VPS54: variants seen among roughly 807,000 people sequenced by gnomAD.
VPS54 encodes vacuolar protein sorting-associated protein 54.
VPS54 carries 45 observed loss-of-function variants against 121.5 expected under a neutral mutation model. That is an observed-to-expected ratio of 0.37 (90% CI 0.29 to 0.47). The LOEUF (loss-of-function observed/expected upper bound fraction) is 0.47, where lower values mean the gene tolerates loss of function less well. VPS54 is among the 20% of genes least tolerant of loss of function. The pLI, the probability that VPS54 is intolerant of heterozygous loss-of-function variation, is 0.99. For synonymous variants in VPS54, 371 were observed against 385.8 expected, an observed-to-expected ratio of 0.96 and a Z score of 0.45; for missense variants, 1,090 against 1,131.4, an observed-to-expected ratio of 0.96 and a Z score of 0.52.
chr2:63,968,237 T>G (rs755972424), intron 5 of VPS54, among the ~76,000 whole-genome samples: 1 of 151,996 alleles, frequency 6.6e-6, no homozygotes, highest in Non-Finnish European at 1.5e-5. Context: ...TCATACAAAG[T>G]AAGTATCTCT....
At chr2:63,902,365 T>C (rs955986295) in intron 20 of VPS54, among the ~76,000 whole-genome samples, 3 of 151,662 alleles carry the variant, frequency 2.0e-5, no homozygotes, top group Admixed American at 6.6e-5. Flanking sequence ...ACTGAAGGAG[T>C]TGGAAGCCTC....
intron 3 of VPS54, among the ~76,000 whole-genome samples, chr2:63,980,222 A>C (rs1676745125): frequency 6.6e-6 from 1 of 152,120 alleles, no homozygotes; most frequent in South Asian, 2.1e-4. Context: ...TATACATACT[A>C]ATAGTTTTTG....
chr2:63,981,978 T>A (rs1676821072), intron 2 of VPS54, 91 bp from the exon 3 acceptor site: 4 of 1,386,394 alleles, frequency 2.9e-6, no homozygotes, highest in Non-Finnish European at 3.8e-6. Context: ...ATGCACAGAT[T>A]CCATCTTACG....
chr2:63,987,324 T>TC (rs1677098716), intron 1 of VPS54, among the ~76,000 whole-genome samples: 1 of 152,308 alleles, frequency 6.6e-6, no homozygotes, highest in African/African-American at 2.4e-5. Context: ...ACTGTCCTTT[T>TC]CCCCAAGATT....
intron 12 of VPS54, among the ~76,000 whole-genome samples, chr2:63,928,723 TAA>T (rs1674038149): frequency 1.3e-5 from 2 of 148,648 alleles, no homozygotes; most frequent in African/African-American, 5.0e-5. Flanking sequence ...GCAAACTGGA[TAA>T]AGAGTCAAGA....
At chr2:63,985,232 T>C (rs1436622622) in intron 1 of VPS54, among the ~76,000 whole-genome samples, 3 of 152,044 alleles carry the variant, frequency 2.0e-5, no homozygotes, top group Admixed American at 6.6e-5. Flanking sequence ...GGTGAGAGGA[T>C]TGCTTGAGCC....
chr2:63,948,520 C>A (rs1345698244), intron 8 of VPS54, among the ~76,000 whole-genome samples: 3 of 151,072 alleles, frequency 2.0e-5, no homozygotes, highest in African/African-American at 7.3e-5. Flanking sequence ...CCTTAGCCAC[C>A]CAAGTAGCTG....
intron 11 of VPS54, among the ~76,000 whole-genome samples, chr2:63,937,715 T>C (rs1674515329): frequency 6.6e-6 from 1 of 152,174 alleles, no homozygotes; most frequent in African/African-American, 2.4e-5. Flanking sequence ...ATTATTATTA[T>C]TCTCAACAGC....
intron 1 of VPS54, among the ~76,000 whole-genome samples, chr2:64,007,119 T>C (rs1204789032): frequency 6.6e-6 from 1 of 152,136 alleles, no homozygotes; most frequent in Non-Finnish European, 1.5e-5. Context: ...TAAACCAATA[T>C]GGGCAGACAT....
In VPS54 at chr2:64,019,381, T is replaced by C. The variant is rs1678870759; in HGVS notation, c.-464A>G. ...GCCCAGCCGGCTCGGCCCGGTCGGG[T>C]GCGGGGAGACAGCGCCGGAGGCCGC... On this transcript the variant is annotated 5_prime_UTR_variant, in exon 1 of 23. Transcript: ENST00000272322. Among the ~76,000 whole-genome samples the C allele has an allele frequency of 2.7e-5, 4 of 150,732 alleles. No individual in the cohort carries two copies. The South Asian group carries it at 8.3e-4, about 31-fold the overall frequency.
intron 6 of VPS54, among the ~76,000 whole-genome samples, chr2:63,964,938 A>G (rs1368469231): frequency 6.6e-6 from 1 of 152,234 alleles, no homozygotes; most frequent in Non-Finnish European, 1.5e-5. Flanking sequence ...TAAGTAAATT[A>G]TATTTAAAGA....
At chr2:63,968,509 C>A (rs1676116841) in intron 5 of VPS54, among the ~76,000 whole-genome samples, 1 of 151,530 alleles carries the variant, frequency 6.6e-6, no homozygotes, top group South Asian at 2.1e-4. Context: ...ATCAAGAGTT[C>A]AAGACCAGCC....
At chr2:63,935,679 G>A (rs999462752) in intron 11 of VPS54, among the ~76,000 whole-genome samples, 2 of 152,098 alleles carry the variant, frequency 1.3e-5, no homozygotes, top group African/African-American at 2.4e-5. Flanking sequence ...CCCACTCAGT[G>A]TACTCCCAAC....
intron 18 of VPS54, 59 bp from the exon 19 acceptor site, chr2:63,912,720 GATTTTA>G: frequency 6.6e-7 from 1 of 1,515,060 alleles, no homozygotes; most frequent in South Asian, 1.3e-5. Flanking sequence ...GGTATTAGTT[GATTTTA>G]ATTACAAATC....
At chr2:63,950,417 T>C (rs1009864991) in intron 7 of VPS54, among the ~76,000 whole-genome samples, 1 of 152,148 alleles carries the variant, frequency 6.6e-6, no homozygotes, top group Non-Finnish European at 1.5e-5. Context: ...AAGGAGATCA[T>C]TTTAATGCCT....
At position 63,921,934 on chromosome 2, in the gene VPS54, G is replaced by T. The variant is rs965842770; in HGVS notation, c.1740-599C>A. Among the ~76,000 whole-genome samples the T allele has an allele frequency of 3.1e-4, 47 of 152,244 alleles. 1 individual carries two copies. The highest frequency in any genetic ancestry group is 5.9e-5 in the Non-Finnish European group (4 of 68,044). On this transcript the variant is annotated intron_variant, in intron 12 of 22. Transcript: ENST00000272322. ...GTACAAGGTAGTAGCTATGTCAGGG[G>T]ACAGTTGTGCATAGGCACCTAGGAT...
At chr2:63,905,003 AAAAAT>A (rs1440448514) in intron 20 of VPS54, among the ~76,000 whole-genome samples, 6 of 152,236 alleles carry the variant, frequency 3.9e-5, no homozygotes, top group African/African-American at 1.4e-4. Flanking sequence ...TGAAATAAAT[AAAAAT>A]AAAAGCACAA....
chr2:63,990,873 GTCCTACTTC>G (rs1461772662), intron 1 of VPS54, among the ~76,000 whole-genome samples: 2 of 152,096 alleles, frequency 1.3e-5, no homozygotes, highest in African/African-American at 4.8e-5. Context: ...ACTCAGTATG[GTCCTACTTC>G]TCCTTATGTT....
rs184675293 is a variant in VPS54 at position 63,903,481 on chromosome 2, T to G, written c.2626-3900A>C. On this transcript the variant is annotated intron_variant, in intron 20 of 22. Coordinates refer to ENST00000272322, the MANE Select transcript of VPS54 (RefSeq NM_016516.3). The stretch of plus-strand genomic sequence containing the variant: ...CCAAAAATTTATCCTCATTTTTTCA[T>G]AAAAATGAGGATAAATATAAAAGGC... Among the ~76,000 whole-genome samples, 884 of 142,330 alleles carry G rather than the reference T, an allele frequency of 6.2e-3. 10 individuals are homozygous for G. The highest frequency in any genetic ancestry group is 0.025 in the African/African-American group (824 of 33,630). 93.4% of individuals were successfully genotyped at this position (142,330 alleles called of 152,430 possible).
Sources: allele counts gnomAD v4.1 joint callset (sites outside exome capture counted in the v4.1 genomes callset), GRCh38; gene constraint gnomAD v4.1.1; transcripts MANE v1.5; gene names NCBI Gene and HGNC (gene_info 2026-07-23, HGNC 2026-07-21).